CFAP54: variants seen among roughly 807,000 people sequenced by gnomAD.
The protein encoded by CFAP54 is cilia and flagella associated protein 54.
CFAP54 carries 290 observed loss-of-function variants against 370.4 expected under a neutral mutation model. The observed-to-expected ratio is 0.78, with a 90% CI of 0.71 to 0.86. The LOEUF is 0.86. Among genes scored for constraint, CFAP54 ranks in the 40% least tolerant of loss-of-function variants. CFAP54 has a pLI of 0.00. For missense variants in CFAP54, 3,399 were observed against 3,528.7 expected (o/e 0.96, Z 0.93); for synonymous variants, 1,206 against 1,236.5 (o/e 0.98, Z 0.52).
intron 63 of CFAP54, among the ~76,000 whole-genome samples, chr12:96,796,800 T>C (rs1283810472): frequency 8.5e-5 from 13 of 152,194 alleles, no homozygotes; most frequent in Non-Finnish European, 1.3e-4. Context: ...TCATTTCTTA[T>C]ATTGGTTATT....
At chr12:96,853,560 A>T (rs540872532) in intron 66 of CFAP54, among the ~76,000 whole-genome samples, 1 of 152,280 alleles carries the variant, frequency 6.6e-6, no homozygotes, top group East Asian at 1.9e-4. Flanking sequence ...ACTTAAAAGA[A>T]TTTTTACTTT....
At chr12:96,766,351 G>C (rs1958401887) in intron 60 of CFAP54, among the ~76,000 whole-genome samples, 1 of 152,020 alleles carries the variant, frequency 6.6e-6, no homozygotes. Flanking sequence ...CTGAACATCA[G>C]ACTGGGTGCT....
intron 12 of CFAP54, among the ~76,000 whole-genome samples, chr12:96,537,775 G>T (rs1025854389): frequency 6.6e-6 from 1 of 152,080 alleles, no homozygotes; most frequent in Non-Finnish European, 1.5e-5. Context: ...AGGCGGAAGA[G>T]CATAGAGCAT....
In CFAP54 at chr12:96,843,797, A is replaced by G. The variant is rs377397498; in HGVS notation, c.9171+14709A>G. ...ATTCATAAATACATAAATTCCTTTT[A>G]CTCTGTAAAAAATCCTAATTTGGAC... On this transcript the variant is annotated intron_variant, in intron 66 of 67. Transcript: ENST00000524981. 2.0e-5 allele frequency among the ~76,000 whole-genome samples: 3 copies of G among 152,312 alleles called. No homozygotes were observed. In the South Asian group the frequency reaches 6.2e-4, roughly 32 times the overall value.
intron 61 of CFAP54, among the ~76,000 whole-genome samples, chr12:96,785,379 T>C (rs770504924): frequency 3.2e-4 from 48 of 152,148 alleles, no homozygotes; most frequent in Non-Finnish European, 1.0e-4. Context: ...TGCTTCACAT[T>C]AGTCCCTCTT....
chr12:96,653,720 T>C (rs1172713512), intron 36 of CFAP54, among the ~76,000 whole-genome samples: 7 of 151,408 alleles, frequency 4.6e-5, no homozygotes, highest in African/African-American at 7.3e-5. Context: ...AAATTAAATC[T>C]AAACTAAAGA....
intron 23 of CFAP54, among the ~76,000 whole-genome samples, chr12:96,591,533 C>G (rs973676467): frequency 6.6e-6 from 1 of 152,004 alleles, no homozygotes; most frequent in East Asian, 1.9e-4. Context: ...GATGATAACA[C>G]TATGGTGGTC....
chr12:96,709,701 T>TTTTTTATTATTA (rs145639086), intron 48 of CFAP54, among the ~76,000 whole-genome samples: 5 of 144,092 alleles, frequency 3.5e-5, no homozygotes, highest in East Asian at 4.1e-4. Context: ...TTGATCATGG[T>TTTTTTATTATTA]TTATTATTAT....
intron 19 of CFAP54, chr12:96,565,203 C>T (rs1955855021): frequency 1.3e-5 from 2 of 152,386 alleles, no homozygotes; most frequent in African/African-American, 2.4e-5. Context: ...GGAAATTCTT[C>T]TGCCTTCTTG....
At chr12:96,663,396 A>T (rs1051905864) in intron 38 of CFAP54, among the ~76,000 whole-genome samples, 2 of 152,226 alleles carry the variant, frequency 1.3e-5, no homozygotes, top group African/African-American at 2.4e-5. Context: ...CATATCTGTT[A>T]GAAAATAAAT....
At chr12:96,695,045 C>A (rs1431492994) in intron 45 of CFAP54, among the ~76,000 whole-genome samples, 1 of 151,690 alleles carries the variant, frequency 6.6e-6, no homozygotes, top group Non-Finnish European at 1.5e-5. Flanking sequence ...CAAAAAAAAA[C>A]AAAAAAACAC....
chr12:96,733,385 AC>A (rs1489021631), intron 50 of CFAP54, among the ~76,000 whole-genome samples: 1 of 152,202 alleles, frequency 6.6e-6, no homozygotes, highest in African/African-American at 2.4e-5. Context: ...ATTGAAAGGC[AC>A]ATTCCCTAGG....
At chr12:96,869,234 G>A (rs1237454118) in intron 67 of CFAP54, among the ~76,000 whole-genome samples, 1 of 150,960 alleles carries the variant, frequency 6.6e-6, no homozygotes, top group Non-Finnish European at 1.5e-5. Context: ...AAAATAATGT[G>A]TTTTTTTTTC....
intron 57 of CFAP54, among the ~76,000 whole-genome samples, chr12:96,757,165 T>C (rs1475575317): frequency 6.6e-6 from 1 of 152,198 alleles, no homozygotes; most frequent in Non-Finnish European, 1.5e-5. Flanking sequence ...GGCAAATTCC[T>C]CCAGCCCTGA....
intron 47 of CFAP54, among the ~76,000 whole-genome samples, chr12:96,707,886 G>A (rs542676687): frequency 6.6e-6 from 1 of 152,198 alleles, no homozygotes; most frequent in South Asian, 2.1e-4. Context: ...AGAATTTAGA[G>A]GAGAGAAGGG....
At position 96,742,658 on chromosome 12, in the gene CFAP54, T is replaced by C. The variant is rs528283166; in HGVS notation, c.7219+72T>C. Reference sequence around the variant, plus strand: ...ATAGGTGAAGAGGGGTTTATTGGGATATATTTTATTATGTTAATGTTTTAT... The same window carrying C: ...ATAGGTGAAGAGGGGTTTATTGGGACATATTTTATTATGTTAATGTTTTAT... On this transcript the variant is annotated intron_variant, in intron 52 of 67. Transcript: ENST00000524981. 7 of 1,321,680 alleles carry C rather than the reference T, an allele frequency of 5.3e-6. No individual in the cohort carries two copies. The South Asian group carries it at 8.2e-5, about 16-fold the overall frequency. 81.9% of individuals were successfully genotyped at this position (1,321,680 alleles called of 1,614,324 possible). A position where few individuals can be genotyped will look rare whatever the true frequency, so the allele number is the denominator to read the frequency against.
intron 32 of CFAP54, among the ~76,000 whole-genome samples, chr12:96,637,670 A>G (rs893076614): frequency 7.9e-5 from 12 of 152,234 alleles, no homozygotes; most frequent in Admixed American, 3.3e-4. Flanking sequence ...TTACAATGCA[A>G]TTAAGGTAGA....
rs998613918 is a variant in CFAP54, at chr12:96,489,629, C to G, written c.20C>G (p.Pro7Arg). MAAQGS[P>R]SSSPSDDSTT... is the part of the protein sequence containing the mutation. ...GTCAATATGGCGGCGCAGGGCTCCC[C>G]CTCGAGCTCTCCGTCAGACGACTCT... Residue 7 changes from proline to arginine, a missense_variant, in exon 1 of 68, where the codon CCC (proline) becomes CGC (arginine). By Grantham distance (103) the Pro-to-Arg change is moderately radical (BLOSUM62 -2). Transcript: ENST00000524981. 8.6e-5 allele frequency: 132 copies of G among 1,526,424 alleles called. No individual in the cohort carries two copies. Among genetic ancestry groups the G allele is most frequent in the Admixed American group, 3.6e-4 (18 of 50,666 alleles). 94.6% of individuals were successfully genotyped at this position (1,526,424 alleles called of 1,614,324 possible).
chr12:96,617,864 C>T (rs1265845630), intron 26 of CFAP54, among the ~76,000 whole-genome samples: 2 of 151,874 alleles, frequency 1.3e-5, no homozygotes, highest in Non-Finnish European at 2.9e-5. Flanking sequence ...GTGGCGGGCG[C>T]CTGTAGTCCC....
Sources: gnomAD v4.1 joint callset for allele counts (sites outside exome capture counted in the v4.1 genomes callset) on GRCh38, gnomAD v4.1.1 for gene constraint, MANE v1.5 for transcripts, NCBI Gene and HGNC (gene_info 2026-07-23, HGNC 2026-07-21) for gene names.